GRM8: variants seen among roughly 807,000 people sequenced by gnomAD.
The protein encoded by GRM8 is metabotropic glutamate receptor 8.
A neutral mutation model predicts 87.2 loss-of-function variants in GRM8; 47 were observed. That is an observed-to-expected ratio of 0.54 (90% CI 0.43 to 0.69). The LOEUF (loss-of-function observed/expected upper bound fraction) is 0.69. Ranked by LOEUF, GRM8 falls within the 30% of genes least tolerant of loss-of-function variation. The pLI is 0.00. For synonymous variants in GRM8, 396 were observed against 404.5 expected (o/e 0.98, Z 0.25); for missense variants, 1,019 against 1,139.2 (o/e 0.89, Z 1.52).
chr7:127,237,078 C>A (rs1252781256), intron 2 of GRM8, among the ~76,000 whole-genome samples: 4 of 152,168 alleles, frequency 2.6e-5, no homozygotes, highest in African/African-American at 7.2e-5. Flanking sequence ...CTGGGTAAAA[C>A]CCTAGCCATT....
chr7:126,540,425 A>G (rs529691302), intron 8 of GRM8, among the ~76,000 whole-genome samples: 5 of 152,298 alleles, frequency 3.3e-5, no homozygotes, highest in African/African-American at 1.2e-4. Context: ...TGACCTAGCA[A>G]TTCCACTTCT....
At chr7:126,716,199 G>T (rs1447022299) in intron 7 of GRM8, among the ~76,000 whole-genome samples, 1 of 151,744 alleles carries the variant, frequency 6.6e-6, no homozygotes, top group African/African-American at 2.4e-5. Context: ...TCTCTAAAAT[G>T]CTCATCTGGC....
intron 9 of GRM8, among the ~76,000 whole-genome samples, chr7:126,515,466 T>C (rs1812031692): frequency 6.6e-6 from 1 of 152,126 alleles, no homozygotes; most frequent in African/African-American, 2.4e-5. Context: ...AAGTTTCCTA[T>C]TGCTGTTATA....
At chr7:126,763,674 A>ATTC (rs1407368602) in intron 7 of GRM8, among the ~76,000 whole-genome samples, 35 of 87,528 alleles carry the variant, frequency 4.0e-4, no homozygotes, top group South Asian at 7.3e-4. Context: ...GTTTAACATT[A>ATTC]TGCTTAAGTG....
intron 9 of GRM8, among the ~76,000 whole-genome samples, chr7:126,515,169 T>C (rs1811995665): frequency 6.6e-6 from 1 of 152,084 alleles, no homozygotes; most frequent in Admixed American, 6.6e-5. Flanking sequence ...TATATCATAA[T>C]TGAAATTGGT....
At chr7:126,593,648 T>G (rs2151050622) in intron 8 of GRM8, among the ~76,000 whole-genome samples, 1 of 152,026 alleles carries the variant, frequency 6.6e-6, no homozygotes, top group South Asian at 2.1e-4. Flanking sequence ...GAAACTGCTA[T>G]AAGAAAACAT....
At chr7:126,666,065 T>C (rs1805734392) in intron 7 of GRM8, among the ~76,000 whole-genome samples, 1 of 152,182 alleles carries the variant, frequency 6.6e-6, no homozygotes, top group South Asian at 2.1e-4. Flanking sequence ...AGATCAAATA[T>C]GGATTTTAAC....
At chr7:126,906,880 T>C (rs1473416830) in intron 3 of GRM8, among the ~76,000 whole-genome samples, 1 of 152,182 alleles carries the variant, frequency 6.6e-6, no homozygotes, top group Non-Finnish European at 1.5e-5. Context: ...ACCGATATAC[T>C]ACCACTAGTT....
At chr7:127,117,086 T>C (rs1409855534) in intron 2 of GRM8, among the ~76,000 whole-genome samples, 1 of 151,940 alleles carries the variant, frequency 6.6e-6, no homozygotes, top group Non-Finnish European at 1.5e-5. Flanking sequence ...AGAAAAAAAA[T>C]AAATGTATAC....
chr7:126,777,531 C>T (rs1381680156), intron 6 of GRM8, among the ~76,000 whole-genome samples: 2 of 152,062 alleles, frequency 1.3e-5, no homozygotes, highest in East Asian at 1.9e-4. Flanking sequence ...TTACTTACAC[C>T]CACCAGACCA....
chr7:127,148,428 AT>A (rs1168422530), intron 2 of GRM8, among the ~76,000 whole-genome samples: 1 of 151,574 alleles, frequency 6.6e-6, no homozygotes, highest in Non-Finnish European at 1.5e-5. Context: ...AAAAAAAAAA[AT>A]AATAAGGAAA....
At chr7:126,567,416 G>A (rs767108983) in intron 8 of GRM8, among the ~76,000 whole-genome samples, 5 of 151,146 alleles carry the variant, frequency 3.3e-5, no homozygotes, top group Non-Finnish European at 5.9e-5. Flanking sequence ...TGTGGGGTAG[G>A]GGGAGGGGGG....
chr7:127,155,098 A>G (rs73231217), intron 2 of GRM8, among the ~76,000 whole-genome samples: 1 of 152,326 alleles, frequency 6.6e-6, no homozygotes, highest in Non-Finnish European at 1.5e-5. Context: ...ACTTGAAAGT[A>G]TAAGTACGTT....
At chr7:126,738,537 G>A (rs1814508299) in intron 7 of GRM8, among the ~76,000 whole-genome samples, 1 of 134,796 alleles carries the variant, frequency 7.4e-6, no homozygotes, top group Non-Finnish European at 1.7e-5. Context: ...GGTGTGAAGT[G>A]AGAGTTAATA....
intron 6 of GRM8, among the ~76,000 whole-genome samples, chr7:126,785,151 T>C (rs888432212): frequency 1.8e-4 from 28 of 152,152 alleles, no homozygotes; most frequent in African/African-American, 6.8e-4. Context: ...GCCTCTCAAG[T>C]AACTAAGACT....
intron 9 of GRM8, among the ~76,000 whole-genome samples, chr7:126,493,788 C>T (rs916959283): frequency 9.9e-5 from 15 of 151,996 alleles, no homozygotes; most frequent in African/African-American, 3.6e-4. Flanking sequence ...GCAGTTCTCC[C>T]TAATCTGTCT....
chr7:126,607,904 T>C (rs1019698295), intron 8 of GRM8, among the ~76,000 whole-genome samples: 5 of 140,398 alleles, frequency 3.6e-5, no homozygotes, highest in Non-Finnish European at 7.5e-5. Context: ...TGTGTCCATG[T>C]CTACTGTTCT....
intron 6 of GRM8, among the ~76,000 whole-genome samples, chr7:126,798,036 C>A (rs1331215844): frequency 6.6e-6 from 1 of 152,054 alleles, no homozygotes; most frequent in African/African-American, 2.4e-5. Flanking sequence ...AAGAGAAGGG[C>A]CAAATGACAT....
intron 9 of GRM8, chr7:126,511,242 T>C (rs1218042157): frequency 6.6e-6 from 1 of 152,100 alleles, no homozygotes; most frequent in Non-Finnish European, 1.5e-5. Flanking sequence ...TATGGTCTGC[T>C]ATGGTATGAT....
Sources: allele counts gnomAD v4.1 joint callset (sites outside exome capture counted in the v4.1 genomes callset), GRCh38; gene constraint gnomAD v4.1.1; transcripts MANE v1.5; gene names NCBI Gene and HGNC (gene_info 2026-07-23, HGNC 2026-07-21).